NUCB1: variants seen among roughly 807,000 people sequenced by gnomAD.
NUCB1 encodes the protein nucleobindin 1.
A neutral mutation model predicts 61.2 loss-of-function variants in NUCB1; 47 were observed. The observed-to-expected ratio is 0.77, with a 90% confidence interval of 0.61 to 0.98. NUCB1 has a LOEUF of 0.98. Ranked by LOEUF, NUCB1 falls within the 50% of genes least tolerant of loss-of-function variation. The probability of loss-of-function intolerance (pLI) is 0.00; values close to 1 mark genes in which losing one functional copy is unlikely to be tolerated. For synonymous variants in NUCB1, 234 were observed against 243.1 expected (o/e 0.96, Z 0.35); for missense variants, 583 against 605.3 (o/e 0.96, Z 0.39).
chr19:48,920,966 G>A (rs2037602409), intron 10 of NUCB1, among the ~76,000 whole-genome samples, 188 bp from the exon 11 acceptor site: 1 of 152,188 alleles, frequency 6.6e-6, no homozygotes, highest in Non-Finnish European at 1.5e-5. Context: ...ACAGGTGGGA[G>A]CCATGGTGCC....
At chr19:48,913,977 T>A (rs907680773) in intron 7 of NUCB1, among the ~76,000 whole-genome samples, 7 of 150,438 alleles carry the variant, frequency 4.7e-5, no homozygotes, top group Admixed American at 4.6e-4. Context: ...CCTTTTTTTT[T>A]TTTTTTTTGA....
chr19:48,921,560 G>C (rs193074769), intron 11 of NUCB1, among the ~76,000 whole-genome samples: 1 of 152,176 alleles, frequency 6.6e-6, no homozygotes, highest in Non-Finnish European at 1.5e-5. Flanking sequence ...AGGCCCAGGA[G>C]GGGGAGAAAG....
rs748492226 is a variant in NUCB1 at position 48,919,062 on chromosome 19, G to C, written c.849G>C (p.Glu283Asp). 3.7e-5 allele frequency: 60 copies of C among 1,613,998 alleles called. No homozygotes were observed. The highest frequency in any genetic ancestry group is 4.7e-5 in the Non-Finnish European group (56 of 1,180,018). ...AAGTGTACGACCCAAAGAATGAGGAGGACGACATGCGGGAGATGGAGGAGG... is the reference window on the plus strand; with the variant it reads ...AAGTGTACGACCCAAAGAATGAGGACGACGACATGCGGGAGATGGAGGAGG... ...LEKVYDPKNEEDDMREMEEER... is the reference protein window; with the variant it reads ...LEKVYDPKNEDDDMREMEEER... Residue 283 changes from glutamate to aspartate, a missense_variant, in exon 9 of 13, where the codon GAG (glutamate) becomes GAC (aspartate). Coordinates refer to ENST00000405315, the MANE Select transcript of NUCB1 (RefSeq NM_006184.6).
rs764207127 is a variant in NUCB1, at chr19:48,913,175, G to A, written c.645G>A (p.Glu215=). The A allele has an allele frequency of 1.9e-6, 3 of 1,613,094 alleles. No homozygotes were observed. The highest frequency in any genetic ancestry group is 2.5e-6 in the Non-Finnish European group (3 of 1,179,722). Residue 215 remains glutamate, a synonymous_variant, in exon 6 of 13, where the codon GAG becomes GAA. Coordinates refer to ENST00000405315, the MANE Select transcript of NUCB1 (RefSeq NM_006184.6). Reference sequence around the variant, plus strand: ...AAGAGCAACAGCGCCGGCACCGCGAGCACCCTAAAGTCAACGTGCCTGTGA... The same window carrying A: ...AAGAGCAACAGCGCCGGCACCGCGAACACCCTAAAGTCAACGTGCCTGTGA... The part of the protein sequence containing the change: ...KLEEQQRRHR[E]HPKVNVPGSQ...
chr19:48,907,110 G>A (rs1460759064), intron 4 of NUCB1, among the ~76,000 whole-genome samples: 1 of 151,574 alleles, frequency 6.6e-6, no homozygotes, highest in African/African-American at 2.4e-5. Context: ...AAGTAGCTGG[G>A]ACTACAGGCG....
At chr19:48,917,317 T>C (rs2122201964) in intron 7 of NUCB1, among the ~76,000 whole-genome samples, 1 of 152,242 alleles carries the variant, frequency 6.6e-6, no homozygotes, top group South Asian at 2.1e-4. Flanking sequence ...ATACCTTTTT[T>C]TATTTTTCAT....
intron 7 of NUCB1, among the ~76,000 whole-genome samples, chr19:48,917,883 T>TCTGAC (rs2037559430): frequency 6.6e-6 from 1 of 150,418 alleles, no homozygotes; most frequent in Admixed American, 6.6e-5. Flanking sequence ...GCTCAAATGA[T>TCTGAC]CTTGCCTTAG....
chr19:48,901,662 GGCTGAGGCACGAATTCTCGT>G (rs1340133071), intron 2 of NUCB1, among the ~76,000 whole-genome samples: 6 of 152,234 alleles, frequency 3.9e-5, no homozygotes, highest in Non-Finnish European at 1.5e-5. Flanking sequence ...TACTCTGGGA[GGCTGAGGCACGAATTCTCGT>G]GCTGGAACCA....
chr19:48,912,109 C>T (rs750875093), intron 5 of NUCB1, among the ~76,000 whole-genome samples: 33 of 150,546 alleles, frequency 2.2e-4, no homozygotes, highest in Admixed American at 4.0e-4. Context: ...ACTGCAGCCT[C>T]AACCTCCTGG....
chr19:48,909,253 T>TA (rs1568585111), intron 4 of NUCB1, among the ~76,000 whole-genome samples: 27 of 150,740 alleles, frequency 1.8e-4, no homozygotes, highest in African/African-American at 6.1e-4. Flanking sequence ...ATTATTATTT[T>TA]TTTTTTTTTC....
chr19:48,918,724 A>C lies in NUCB1; in HGVS notation c.758-2A>C. On this transcript the variant is annotated splice_acceptor_variant, in intron 7 of 12. Transcript: ENST00000405315. LOFTEE classifies it high-confidence loss of function. ...GATACCTTGCTATCCTCTTCCCTTC[A>C]GATATCAACAGTGATGGTGTCCTGG... 3.7e-6 allele frequency: 6 copies of C among 1,612,728 alleles called. No homozygotes were observed. The highest frequency in any genetic ancestry group is 5.1e-6 in the Non-Finnish European group (6 of 1,178,710).
chr19:48,905,915 C>G, intron 4 of NUCB1, 30 bp downstream of exon 4: 3 of 1,293,628 alleles, frequency 2.3e-6, no homozygotes, highest in East Asian at 2.6e-5. Flanking sequence ...GAGGGACAGG[C>G]AGGGAGGGGT....
intron 4 of NUCB1, among the ~76,000 whole-genome samples, chr19:48,907,224 C>T (rs867564379): frequency 1.3e-4 from 19 of 150,982 alleles, no homozygotes; most frequent in African/African-American, 4.6e-4. Flanking sequence ...CCGCCCACCT[C>T]GGCCTCCCAA....
rs1449096598 is a variant in NUCB1, at chr19:48,900,784, A to G, written c.-11-2A>G. On this transcript the variant is annotated splice_acceptor_variant, in intron 1 of 12. Transcript: ENST00000405315. LOFTEE classifies it low-confidence loss of function (5UTR_SPLICE). ...CATTATCCAGCCCTCCATCCCCCAC[A>G]GACCACACTGCCATGCCTCCCTCTG... is the stretch of plus-strand genomic sequence containing the variant. 2 of 1,613,548 alleles carry G rather than the reference A, an allele frequency of 1.2e-6. No individual in the cohort carries two copies. The highest frequency in any genetic ancestry group is 1.1e-5 in the South Asian group (1 of 91,054).
rs550451978 is a variant in NUCB1 at position 48,903,716 on chromosome 19, G to A, written c.136-631G>A. On this transcript the variant is annotated intron_variant, in intron 2 of 12. Coordinates refer to ENST00000405315, the MANE Select transcript of NUCB1 (RefSeq NM_006184.6). ...TGGGTGGATGGATGGATGGGTGGGT[G>A]GATGGATGGATGAGTGGATGGATGG... is the stretch of plus-strand genomic sequence containing the variant. 9.8e-4 allele frequency among the ~76,000 whole-genome samples: 139 copies of A among 142,034 alleles called. 1 individual carries two copies. Among genetic ancestry groups the A allele is most frequent in the African/African-American group, 3.6e-3 (132 of 36,642 alleles). 93.2% of individuals were successfully genotyped at this position (142,034 alleles called of 152,430 possible).
intron 12 of NUCB1, 147 bp from the exon 13 acceptor site, chr19:48,922,171 G>A (rs2037618050): frequency 1.0e-5 from 7 of 692,682 alleles, no homozygotes; most frequent in Non-Finnish European, 1.7e-5. Flanking sequence ...GAGTGAGGAG[G>A]GGCTGGGGGC....
At position 48,921,202 on chromosome 19, in the gene NUCB1, G is replaced by A. The variant is rs1248820250; in HGVS notation, c.1051G>A (p.Glu351Lys). The change falls in exon 11 of 13, where the codon GAA (glutamate) becomes AAA (lysine). Residue 351 changes from glutamate (E) to lysine (K), a missense_variant. By Grantham distance (56) the Glu-to-Lys change is moderately conservative. Transcript: ENST00000405315. ...CACCGAGGAAGAGCTGAGGCGCTTT[G>A]AAGAGGAGCTGGCTGCCCGGGAGGC... ...AYTEEELRRFEEELAAREAEL... is the reference protein window; with the variant it reads ...AYTEEELRRFKEELAAREAEL... The A allele has an allele frequency of 6.2e-7, 1 of 1,613,238 alleles. No homozygotes were observed. Among genetic ancestry groups the A allele is most frequent in the Non-Finnish European group, 8.5e-7 (1 of 1,179,938 alleles).
intron 2 of NUCB1, chr19:48,901,187 A>G (rs1235963553): frequency 1.7e-6 from 1 of 599,580 alleles, no homozygotes; most frequent in Non-Finnish European, 3.0e-6. Context: ...CCACCCAAGA[A>G]GGAATTTGAA....
chr19:48,909,292 G>A (rs1173948433), intron 4 of NUCB1, among the ~76,000 whole-genome samples: 2 of 151,272 alleles, frequency 1.3e-5, no homozygotes, highest in South Asian at 2.1e-4. Flanking sequence ...TCGTTGCCCA[G>A]GCTGGAGTGC....
Sources: gnomAD v4.1 joint callset for allele counts (sites outside exome capture counted in the v4.1 genomes callset) on GRCh38, gnomAD v4.1.1 for gene constraint, MANE v1.5 for transcripts, NCBI Gene and HGNC (gene_info 2026-07-23, HGNC 2026-07-21) for gene names.